The following ZC3H4 variants were observed in gnomAD, a reference collection of about 807,000 sequenced individuals.
ZC3H4 encodes zinc finger CCCH-type containing 4, also known as zinc finger CCCH domain-containing protein 4.
In ZC3H4, 13 loss-of-function variants were observed where a neutral mutation model predicts 108.3. The ratio of observed to expected loss-of-function variants is 0.12; its 90% confidence interval spans 0.08 to 0.19. The LOEUF is 0.19. ZC3H4 is among the 10% of genes least tolerant of loss of function. The probability of loss-of-function intolerance (pLI) is 1.00; values close to 1 mark genes in which losing one functional copy is unlikely to be tolerated. For missense variants in ZC3H4, 1,734 were observed against 1,838.8 expected (o/e 0.94, Z 1.04); for synonymous variants, 917 against 749.6 (o/e 1.22, Z -3.65).
intron 2 of ZC3H4, chr19:47,111,070 G>T: frequency 4.2e-6 from 1 of 237,798 alleles, no homozygotes; most frequent in Non-Finnish European, 6.8e-6. Context: ...GTCCTCAGCG[G>T]CTCCCCAGCC....
chr19:47,079,192 G>A (rs1362088257), intron 11 of ZC3H4, among the ~76,000 whole-genome samples: 1 of 150,984 alleles, frequency 6.6e-6, no homozygotes, highest in Admixed American at 6.6e-5. Flanking sequence ...ACCTTGCCTG[G>A]CTAATTCTGT....
intron 5 of ZC3H4, among the ~76,000 whole-genome samples, chr19:47,087,420 TC>T (rs1481308471): frequency 7.0e-6 from 1 of 143,192 alleles, no homozygotes; most frequent in African/African-American, 2.5e-5. Flanking sequence ...TTAATTGGTT[TC>T]ACTTTTTTCT....
chr19:47,073,976 G>T (rs547257274), intron 11 of ZC3H4, among the ~76,000 whole-genome samples: 1 of 152,248 alleles, frequency 6.6e-6, no homozygotes, highest in African/African-American at 2.4e-5. Context: ...TAAGAGCAGG[G>T]GTGGGTGTCT....
rs558237323 is a variant in ZC3H4 at position 47,089,145 on chromosome 19, G to A, written c.715+822C>T. Among the ~76,000 whole-genome samples the A allele has an allele frequency of 2.7e-5, 4 of 146,892 alleles. No homozygotes were observed. In the East Asian group the frequency reaches 8.1e-4, roughly 30 times the overall value. Reference sequence around the variant, plus strand: ...TGCTTGAACCCGGAAAGCAGAGGTTGCAGTGAGCCGAGATCGCGCCACTGC... The same window carrying A: ...TGCTTGAACCCGGAAAGCAGAGGTTACAGTGAGCCGAGATCGCGCCACTGC... On this transcript the variant is annotated intron_variant, in intron 5 of 14. Coordinates refer to ENST00000253048, the MANE Select transcript of ZC3H4 (RefSeq NM_015168.2).
intron 2 of ZC3H4, among the ~76,000 whole-genome samples, chr19:47,106,853 C>T (rs1037406353): frequency 1.3e-5 from 2 of 152,162 alleles, no homozygotes; most frequent in Non-Finnish European, 2.9e-5. Context: ...CAGCCAGATC[C>T]CAAAGGAGTG....
chr19:47,094,910 G>C (rs982290980), intron 2 of ZC3H4, among the ~76,000 whole-genome samples: 2 of 152,218 alleles, frequency 1.3e-5, no homozygotes, highest in Admixed American at 1.3e-4. Flanking sequence ...AGAAGAAACC[G>C]ACAAGGTGCT....
chr19:47,069,559 C>G (rs1447279824), intron 13 of ZC3H4, among the ~76,000 whole-genome samples: 1 of 152,120 alleles, frequency 6.6e-6, no homozygotes, highest in Admixed American at 6.5e-5. Flanking sequence ...TTGAGTGATG[C>G]GGGCAAACGC....
At chr19:47,083,044 A>T (rs983201677) in intron 9 of ZC3H4, among the ~76,000 whole-genome samples, 1 of 151,906 alleles carries the variant, frequency 6.6e-6, no homozygotes, top group Admixed American at 6.6e-5. Context: ...CATTTGTCTT[A>T]ATTTATTTAC....
At position 47,067,921 on chromosome 19, in the gene ZC3H4, GC is replaced by G. The variant is rs1462963064; in HGVS notation, c.2399-53del. ...GGGTGAGTGGGCGCATCCACCACCC[GC>G]CCTCTTGGATCCCACAGCAGCCCAC... On this transcript the variant is annotated intron_variant, in intron 14 of 14. Coordinates refer to ENST00000253048, the MANE Select transcript of ZC3H4 (RefSeq NM_015168.2). The surrounding 1 kb of genome is among the most constrained non-coding windows in gnomAD (Gnocchi z 6.4). 3.3e-6 allele frequency: 5 copies of G among 1,504,518 alleles called. No homozygotes were observed. In the African/African-American group the frequency reaches 5.5e-5, roughly 17 times the overall value. 93.2% of individuals were successfully genotyped at this position (1,504,518 alleles called of 1,614,324 possible). A position where few individuals can be genotyped will look rare whatever the true frequency, so the allele number is the denominator to read the frequency against.
chr19:47,081,732 C>G, intron 10 of ZC3H4, 110 bp from the exon 11 acceptor site: 1 of 974,556 alleles, frequency 1.0e-6, no homozygotes, highest in Non-Finnish European at 1.6e-6. Context: ...GAAATCTGAG[C>G]CCAGAGAGGT....
chr19:47,066,735 C>G lies in ZC3H4; in HGVS notation c.3533G>C (p.Gly1178Ala). 6.2e-7 allele frequency: 1 copy of G among 1,606,108 alleles called. No homozygotes were observed. The highest frequency in any genetic ancestry group is 8.5e-7 in the Non-Finnish European group (1 of 1,178,342). The part of the protein sequence containing the change: ...GAQPKGAEGN[G>A]KSSASKAKEP... ...CTTAGCCTTGGAGGCCGAGCTCTTG[C>G]CATTGCCCTCAGCACCCTTGGGCTG... Residue 1178 changes from glycine (G) to alanine (A), a missense_variant, in exon 15 of 15, where the codon GGC becomes GCC. Gly to Ala is a moderately conservative substitution (Grantham distance 60). Transcript: ENST00000253048.
chr19:47,067,346 G>A lies in ZC3H4; in HGVS notation c.2922C>T (p.Ala974=). Residue 974 remains alanine, a synonymous_variant, in exon 15 of 15, where the codon GCC becomes GCT. Transcript: ENST00000253048. This position sits in a 1 kb window ranked among gnomAD's most constrained non-coding sequence, Gnocchi z 6.4. ...CCTCGGGATTCCAGAGCACGGTGCG[G>A]GCGAAGCTGGGCTTGCTCAGGGTCA... The part of the protein sequence containing the change: ...KDVTLSKPSF[A]RTVLWNPEDL... 3 of 1,603,202 alleles carry A rather than the reference G, an allele frequency of 1.9e-6. No homozygotes were observed. The highest frequency in any genetic ancestry group is 2.2e-5 in the South Asian group (2 of 89,674).
rs1224340821 is a variant in ZC3H4, at chr19:47,072,635, G to A, written c.1519C>T (p.Leu507=). The A allele has an allele frequency of 3.7e-6, 6 of 1,612,828 alleles. No homozygotes were observed. The highest frequency in any genetic ancestry group is 1.7e-5 in the Admixed American group (1 of 59,978). ...EELKKQGINP[L]PKPPPGVGLL... is the part of the protein sequence containing the mutation. ...CCCACACCAGGGGGCGGTTTGGGCA[G>A]GGGGTTGATGCCCTGCTTCTTCAGT... Residue 507 remains leucine (L), a synonymous_variant, in exon 12 of 15, where the codon CTG becomes TTG. Coordinates refer to ENST00000253048, the MANE Select transcript of ZC3H4 (RefSeq NM_015168.2). This position sits in a 1 kb window ranked among gnomAD's most constrained non-coding sequence, Gnocchi z 5.6.
At chr19:47,070,138 G>T (rs374862216) in intron 13 of ZC3H4, among the ~76,000 whole-genome samples, 1 of 152,026 alleles carries the variant, frequency 6.6e-6, no homozygotes, top group Non-Finnish European at 1.5e-5. Flanking sequence ...AAACGGAGGG[G>T]GGGGCGTCTG....
Position 47,081,535 on chromosome 19 carries a change from T to C in ZC3H4, c.1418A>G (p.Glu473Gly). 6.2e-7 allele frequency: 1 copy of C among 1,614,236 alleles called. No homozygotes were observed. The highest frequency in any genetic ancestry group is 1.1e-5 in the South Asian group (1 of 91,088). Residue 473 changes from glutamate to glycine, a missense_variant, in exon 11 of 15, where the codon GAG becomes GGG. By Grantham distance (98) the Glu-to-Gly change is moderately conservative (BLOSUM62 -2). Coordinates refer to ENST00000253048, the MANE Select transcript of ZC3H4 (RefSeq NM_015168.2). ...TACCTTATCCAAGAGCTCCCTCGTC[T>C]CTTCGGTCAGAGGGTCGTGGGAAAA... is the stretch of plus-strand genomic sequence containing the variant. ...CMFSHDPLTE[E>G]TRELLDKMLA...
In ZC3H4 at chr19:47,072,459, C is replaced by T. The variant is rs3745618; in HGVS notation, c.1695G>A (p.Leu565=). The T allele has an allele frequency of 4.2e-5, 66 of 1,578,620 alleles. No homozygotes were observed. In the East Asian group the frequency reaches 1.2e-3, roughly 28 times the overall value. Residue 565 remains leucine, a synonymous_variant, in exon 12 of 15, where the codon CTG becomes CTA. Coordinates refer to ENST00000253048, the MANE Select transcript of ZC3H4 (RefSeq NM_015168.2). This position sits in a 1 kb window ranked among gnomAD's most constrained non-coding sequence, Gnocchi z 5.6. ...CCTGCTGCTGCAGCTGCTGCGGGGA[C>T]AGTGGCTCATGCACCGGCATGGGCA... ...PQMPMPVHEP[L]SPQQLQQQDM... is the part of the protein sequence containing the mutation.
rs1168629978 is a variant in ZC3H4, at chr19:47,072,672, C to T, written c.1482G>A (p.Lys494=). 6.2e-7 allele frequency: 1 copy of T among 1,613,714 alleles called. No homozygotes were observed. The highest frequency in any genetic ancestry group is 1.3e-5 in the African/African-American group (1 of 74,914). The change falls in exon 12 of 15, where the codon AAG becomes AAA. Residue 494 remains lysine, a synonymous_variant. Coordinates refer to ENST00000253048, the MANE Select transcript of ZC3H4 (RefSeq NM_015168.2). This position sits in a 1 kb window ranked among gnomAD's most constrained non-coding sequence, Gnocchi z 5.6. ...CCTGCTTCTTCAGTTCCTCCACCTCCTTCTCATCCTCGGCACCTGCTTCTG... is the reference window on the plus strand; with the variant it reads ...CCTGCTTCTTCAGTTCCTCCACCTCTTTCTCATCCTCGGCACCTGCTTCTG... The part of the protein sequence containing the change: ...DDAEAGAEDE[K]EVEELKKQGI...
rs1370674105 is a variant in ZC3H4, at chr19:47,067,244, C to G, written c.3024G>C (p.Leu1008=). The change falls in exon 15 of 15, where the codon CTG becomes CTC. Residue 1008 remains leucine (L), a synonymous_variant. Transcript: ENST00000253048. This position sits in a 1 kb window ranked among gnomAD's most constrained non-coding sequence, Gnocchi z 6.4. ...TGGCAGCGCGGTGCAGCCGGGGGTC[C>G]AGGGTGGGCATGGATTGCAGGGCCG... is the stretch of plus-strand genomic sequence containing the variant. ...VPAALQSMPT[L]DPRLHRAATA... is the part of the protein sequence containing the mutation. 1 of 1,601,240 alleles carries G rather than the reference C, an allele frequency of 6.2e-7. No homozygotes were observed. The highest frequency in any genetic ancestry group is 8.5e-7 in the Non-Finnish European group (1 of 1,173,932).
chr19:47,084,722 C>T lies in ZC3H4; in HGVS notation c.1108-267G>A, dbSNP rs558508414. 2.0e-5 allele frequency among the ~76,000 whole-genome samples: 3 copies of T among 152,316 alleles called. No individual in the cohort carries two copies. In the East Asian group the frequency reaches 5.8e-4, roughly 29 times the overall value. ...AGTTCCACACAACTGTGCAGGAACA[C>T]GTCCACCACACCCAGAGGTGGTGGC... On this transcript the variant is annotated intron_variant, in intron 8 of 14. Transcript: ENST00000253048.
Sources: allele counts gnomAD v4.1 joint callset (sites outside exome capture counted in the v4.1 genomes callset), GRCh38; gene constraint gnomAD v4.1.1; non-coding constraint Gnocchi (gnomAD v3.1); transcripts MANE v1.5; gene names NCBI Gene and HGNC (gene_info 2026-07-23, HGNC 2026-07-21).